The following SYPL2 variants were observed in gnomAD, a reference collection of about 807,000 sequenced individuals.
SYPL2 encodes synaptophysin-like protein 2.
In SYPL2, 24 loss-of-function variants were observed where a neutral mutation model predicts 31.3. The ratio of observed to expected loss-of-function variants is 0.77; its 90% CI spans 0.56 to 1.08. The LOEUF is 1.08. Among genes scored for constraint, SYPL2 ranks in the 50% least tolerant of loss-of-function variants. SYPL2 has a pLI of 0.00. For synonymous variants in SYPL2, 144 were observed against 143.1 expected (o/e 1.01, Z -0.05); for missense variants, 342 against 360.1 (o/e 0.95, Z 0.41).
chr1:109,475,854 CT>C, intron 3 of SYPL2, 149 bp downstream of exon 3: 1 of 1,216,652 alleles, frequency 8.2e-7, no homozygotes, highest in Non-Finnish European at 1.1e-6. Context: ...ATCCTTTCTG[CT>C]TTTTAGCAAT....
rs1019217071 is a variant in SYPL2 at position 109,482,029 on chromosome 1, A to G, written c.*2481A>G. 1.3e-5 allele frequency: 2 copies of G among 151,524 alleles called. No homozygotes were observed. The highest frequency in any genetic ancestry group is 1.5e-5 in the Non-Finnish European group (1 of 67,764). 9.4% of individuals were successfully genotyped at this position (151,524 alleles called of 1,614,324 possible). A position where few individuals can be genotyped will look rare whatever the true frequency, so the allele number is the denominator to read the frequency against. ...TCACTATCATAGTCATGAGCCTCCT[A>G]CTTCTGGGATTGCAGATCAGGGGTG... is the stretch of plus-strand genomic sequence containing the variant. On this transcript the variant is annotated 3_prime_UTR_variant, in exon 6 of 6. Transcript: ENST00000369872.
At chr1:109,470,711 G>A (rs1655805961) in intron 2 of SYPL2, among the ~76,000 whole-genome samples, 3 of 152,092 alleles carry the variant, frequency 2.0e-5, no homozygotes, top group Admixed American at 1.3e-4. Context: ...TCAGTCACTT[G>A]GCAAAGTTAG....
chr1:109,479,385 G>A lies in SYPL2; in HGVS notation c.656G>A (p.Gly219Asp). 2 of 1,613,954 alleles carry A rather than the reference G, an allele frequency of 1.2e-6. No individual in the cohort carries two copies. The highest frequency in any genetic ancestry group is 1.7e-6 in the Non-Finnish European group (2 of 1,179,954). ...MGLANISVLF[G>D]FINFFLWAGN... Reference sequence around the variant, plus strand: ...CCCCTGATGTCTTTGCAGCTCTTTGGCTTTATCAACTTCTTCCTGTGGGCC... The same window carrying A: ...CCCCTGATGTCTTTGCAGCTCTTTGACTTTATCAACTTCTTCCTGTGGGCC... The change falls in exon 6 of 6, where the codon GGC (glycine) becomes GAC (aspartate). Residue 219 changes from glycine (G) to aspartate (D), a missense_variant. Gly to Asp is a moderately conservative substitution (Grantham distance 94). Transcript: ENST00000369872.
intron 2 of SYPL2, among the ~76,000 whole-genome samples, chr1:109,468,520 C>T (rs1655727333): frequency 6.6e-6 from 1 of 152,196 alleles, no homozygotes; most frequent in Admixed American, 6.5e-5. Context: ...GCTCTTTTGC[C>T]TTTGGCCCCT....
intron 5 of SYPL2, among the ~76,000 whole-genome samples, chr1:109,479,138 G>T (rs909373847): frequency 6.6e-6 from 1 of 152,220 alleles, no homozygotes; most frequent in Non-Finnish European, 1.5e-5. Flanking sequence ...TTCTGCTAGT[G>T]ACCAAGCTAC....
At chr1:109,476,236 G>A in intron 3 of SYPL2, among the ~76,000 whole-genome samples, 1 of 152,304 alleles carries the variant, frequency 6.6e-6, no homozygotes, top group African/African-American at 2.4e-5. Flanking sequence ...GGGGAAAATG[G>A]GGATGAGGCT....
intron 2 of SYPL2, among the ~76,000 whole-genome samples, chr1:109,473,191 A>C (rs554885746): frequency 1.3e-5 from 2 of 152,318 alleles, no homozygotes; most frequent in African/African-American, 4.8e-5. Flanking sequence ...GTAATGATGC[A>C]GAGGCTTCGA....
intron 2 of SYPL2, chr1:109,475,254 G>C: frequency 4.8e-6 from 1 of 206,752 alleles, no homozygotes; most frequent in African/African-American, 2.3e-5. Flanking sequence ...CAGAGGTTTT[G>C]TGTTAGTCAT....
At chr1:109,468,609 A>G (rs765121240) in intron 2 of SYPL2, among the ~76,000 whole-genome samples, 9 of 152,230 alleles carry the variant, frequency 5.9e-5, no homozygotes, top group Admixed American at 1.3e-4. Context: ...ACTGGCATCC[A>G]GAACTGGAAG....
At chr1:109,472,785 G>A (rs1047245421) in intron 2 of SYPL2, among the ~76,000 whole-genome samples, 2 of 151,318 alleles carry the variant, frequency 1.3e-5, no homozygotes, top group Middle Eastern at 3.2e-3. Context: ...CTAATTTTTT[G>A]TTTGTAGTTT....
Position 109,479,489 on chromosome 1 carries a change from C to A in SYPL2, c.760C>A (p.Gln254Lys). 1 of 1,614,222 alleles carries A rather than the reference C, an allele frequency of 6.2e-7. No individual in the cohort carries two copies. Among genetic ancestry groups the A allele is most frequent in the East Asian group, 2.2e-5 (1 of 44,886 alleles). Residue 254 changes from glutamine (Q) to lysine (K), a missense_variant, in exon 6 of 6, where the codon CAG becomes AAG. Physicochemically the swap from Gln to Lys is moderately conservative, Grantham distance 53 (BLOSUM62 1). Transcript: ENST00000369872. Reference protein sequence around the residue: ...QGQDQDQDQDQGQGPSQESAA... With the variant: ...QGQDQDQDQDKGQGPSQESAA... The stretch of plus-strand genomic sequence containing the variant: ...CCAGGACCAGGACCAGGACCAGGAC[C>A]AGGGCCAGGGTCCCAGCCAGGAGAG...
At position 109,466,579 on chromosome 1, in the gene SYPL2, G is replaced by A; in HGVS notation, c.-265G>A. 1 of 394,852 alleles carries A rather than the reference G, an allele frequency of 2.5e-6. No individual in the cohort carries two copies. The highest frequency in any genetic ancestry group is 4.1e-5 in the East Asian group (1 of 24,158). 24.5% of individuals were successfully genotyped at this position (394,852 alleles called of 1,614,324 possible). A position where few individuals can be genotyped will look rare whatever the true frequency, so the allele number is the denominator to read the frequency against. Reference sequence around the variant, plus strand: ...GGCCAAGTTCGCTGCGAGTTTGACAGAAGTTTGAATCCGAGTCGGGGGCTT... The same window carrying A: ...GGCCAAGTTCGCTGCGAGTTTGACAAAAGTTTGAATCCGAGTCGGGGGCTT... On this transcript the variant is annotated 5_prime_UTR_variant, in exon 1 of 6. Transcript: ENST00000369872.
rs192895878 is a variant in SYPL2 at position 109,475,644 on chromosome 1, C to T, written c.193C>T (p.Arg65Cys). 20 of 1,614,100 alleles carry T rather than the reference C, an allele frequency of 1.2e-5. No homozygotes were observed. The highest frequency in any genetic ancestry group is 9.9e-5 in the South Asian group (9 of 91,078). The change falls in exon 3 of 6, where the codon CGC becomes TGC. Residue 65 changes from arginine (R) to cysteine (C), a missense_variant. By Grantham distance (180) the Arg-to-Cys change is radical. Transcript: ENST00000369872. ...CAGCGGGGAGACAGGAGCAATGGTTCGCTGCAACAACGAAGCCAAGGACGT... is the reference window on the plus strand; with the variant it reads ...CAGCGGGGAGACAGGAGCAATGGTTTGCTGCAACAACGAAGCCAAGGACGT... Reference protein sequence around the residue: ...SYSGETGAMVRCNNEAKDVSS... With the variant: ...SYSGETGAMVCCNNEAKDVSS...
chr1:109,478,934 T>C lies in SYPL2; in HGVS notation c.649-444T>C, dbSNP rs1351279649. Among the ~76,000 whole-genome samples, 2 of 152,240 alleles carry C rather than the reference T, an allele frequency of 1.3e-5. No individual in the cohort carries two copies. Among genetic ancestry groups the C allele is most frequent in the Non-Finnish European group, 2.9e-5 (2 of 68,042 alleles). Reference sequence around the variant, plus strand: ...CTGCTGTGAGGTTTTTAAAATATGTTGAATAACTATTTGAACATAGCCCTG... The same window carrying C: ...CTGCTGTGAGGTTTTTAAAATATGTCGAATAACTATTTGAACATAGCCCTG... On this transcript the variant is annotated intron_variant, in intron 5 of 5. Coordinates refer to ENST00000369872, the MANE Select transcript of SYPL2 (RefSeq NM_001040709.2). This position sits in a 1 kb window ranked among gnomAD's most constrained non-coding sequence, Gnocchi z 4.0.
chr1:109,477,018 G>A (rs1043435868), intron 4 of SYPL2, 41 bp downstream of exon 4: 2 of 1,611,050 alleles, frequency 1.2e-6, no homozygotes, highest in Admixed American at 1.7e-5. Flanking sequence ...TGGAGAAACA[G>A]ATGTTTGTGA....
At chr1:109,469,564 T>TA (rs35594687) in intron 2 of SYPL2, among the ~76,000 whole-genome samples, 1 of 150,822 alleles carries the variant, frequency 6.6e-6, no homozygotes, top group Non-Finnish European at 1.5e-5. Flanking sequence ...AGAAGTATCT[T>TA]AAAAAAAATT....
chr1:109,466,810 C>A lies in SYPL2; in HGVS notation c.-34C>A. 1 of 1,508,922 alleles carries A rather than the reference C, an allele frequency of 6.6e-7. No individual in the cohort carries two copies. The allele number at this position is 1,508,922 out of a possible 1,614,324, so 93.5% of individuals were successfully genotyped here. On this transcript the variant is annotated 5_prime_UTR_variant, in exon 1 of 6. Transcript: ENST00000369872. ...GCCGCCTCCCGGCCAGAGAGCCAAGCCACCACGCCGCGCCCAGCGCTCGCC... is the reference window on the plus strand; with the variant it reads ...GCCGCCTCCCGGCCAGAGAGCCAAGACACCACGCCGCGCCCAGCGCTCGCC...
chr1:109,470,243 G>A (rs944397971), intron 2 of SYPL2, among the ~76,000 whole-genome samples: 2 of 151,634 alleles, frequency 1.3e-5, no homozygotes, highest in African/African-American at 4.9e-5. Flanking sequence ...TCCCACCTCA[G>A]CCTCCAAAAG....
chr1:109,469,564 TAA>T (rs35594687), intron 2 of SYPL2, among the ~76,000 whole-genome samples: 1 of 150,822 alleles, frequency 6.6e-6, no homozygotes, highest in East Asian at 1.9e-4. Context: ...AGAAGTATCT[TAA>T]AAAAAATTTT....
Sources: gnomAD v4.1 joint callset for allele counts (sites outside exome capture counted in the v4.1 genomes callset) on GRCh38, gnomAD v4.1.1 for gene constraint, Gnocchi (gnomAD v3.1) non-coding constraint, MANE v1.5 for transcripts, NCBI Gene and HGNC (gene_info 2026-07-23, HGNC 2026-07-21) for gene names.